The following CCDC178 variants were observed in gnomAD, a reference collection of about 807,000 sequenced individuals.
CCDC178 encodes the protein coiled-coil domain containing 178.
Under a neutral mutation model 117.4 loss-of-function variants are expected in CCDC178, and 126 were observed. The ratio of observed to expected loss-of-function variants is 1.07; its 90% CI spans 0.93 to 1.24. The LOEUF is 1.24. Among genes scored for constraint, CCDC178 ranks in the 50% most tolerant of loss-of-function variants. CCDC178 has a pLI of 0.00. For missense variants in CCDC178, 1,030 were observed against 986.9 expected (o/e 1.04, Z -0.59); for synonymous variants, 283 against 313.4 (o/e 0.90, Z 1.02).
intron 4 of CCDC178, 100 bp downstream of exon 4, chr18:33,397,049 A>T: frequency 1.3e-6 from 1 of 754,370 alleles, no homozygotes; most frequent in Non-Finnish European, 2.2e-6. Flanking sequence ...GGAAGAACAG[A>T]AGAATGCCTG....
chr18:33,266,115 T>C (rs893641502), intron 14 of CCDC178, among the ~76,000 whole-genome samples: 6 of 152,060 alleles, frequency 3.9e-5, no homozygotes, highest in African/African-American at 1.4e-4. Context: ...TTTTGATTCC[T>C]GCAGGCTTAG....
At chr18:33,319,162 G>A (rs1568142839) in intron 11 of CCDC178, among the ~76,000 whole-genome samples, 1 of 151,708 alleles carries the variant, frequency 6.6e-6, no homozygotes, top group African/African-American at 2.4e-5. Flanking sequence ...ATTTACATTA[G>A]GTATATCTCC....
rs746505005 is a variant in CCDC178, at chr18:33,091,324, C to CTTTTTTTTTTTTTTTTTTTTTTTTTTT, written c.2388+1410_2388+1436dup. Among the ~76,000 whole-genome samples the CTTTTTTTTTTTTTTTTTTTTTTTTTTT allele has an allele frequency of 1.4e-4, 6 of 43,882 alleles. 3 individuals are homozygous for CTTTTTTTTTTTTTTTTTTTTTTTTTTT. The highest frequency in any genetic ancestry group is 1.6e-4 in the African/African-American group (2 of 12,446). The allele number at this position is 43,882 out of a possible 152,430, so 28.8% of individuals were successfully genotyped here. A position where few individuals can be genotyped will look rare whatever the true frequency, so the allele number is the denominator to read the frequency against. ...CTTTCCCAAACACACTTATTTCATT[C>CTTTTTTTTTTTTTTTTTTTTTTTTTTT]TTTTTTTTTTTTTTTTTTTTTTTTT... On this transcript the variant is annotated intron_variant, in intron 21 of 22. Coordinates refer to ENST00000383096, the MANE Select transcript of CCDC178 (RefSeq NM_001105528.4).
rs182556774 is a variant in CCDC178, at chr18:33,223,153, A to C, written c.1885T>G (p.Leu629Val). 6.2e-7 allele frequency: 1 copy of C among 1,606,560 alleles called. No individual in the cohort carries two copies. The highest frequency in any genetic ancestry group is 8.5e-7 in the Non-Finnish European group (1 of 1,175,788). ...RRKVGKVKKK[L>V]RKKGKKTLDA... is the part of the protein sequence containing the mutation. Reference sequence around the variant, plus strand: ...AGGGTTTTCTTCCCCTTTTTTCGTAATTTTTTCTTTACTTTTCCCACCTTT... The same window carrying C: ...AGGGTTTTCTTCCCCTTTTTTCGTACTTTTTTCTTTACTTTTCCCACCTTT... The change falls in exon 18 of 23, where the codon TTA (leucine) becomes GTA (valine). Residue 629 changes from leucine to valine, a missense_variant. Physicochemically the swap from Leu to Val is conservative, Grantham distance 32 (BLOSUM62 1). Transcript: ENST00000383096.
At position 32,938,037 on chromosome 18, in the gene CCDC178, C is replaced by T. The variant is rs762915275; in HGVS notation, c.2578G>A (p.Asp860Asn). The change falls in exon 23 of 23, where the codon GAT (aspartate) becomes AAT (asparagine). Residue 860 changes from aspartate to asparagine, a missense_variant. Transcript: ENST00000383096. The part of the protein sequence containing the change: ...HILGFFQTLT[D>N]GTCENDG ...TAACCATCGTTTTCGCATGTGCCAT[C>T]TGTCAAAGTCTGGAAGAAACCTAAG... 1.2e-6 allele frequency: 2 copies of T among 1,613,664 alleles called. No individual in the cohort carries two copies. The highest frequency in any genetic ancestry group is 1.7e-6 in the Non-Finnish European group (2 of 1,179,652).
intron 20 of CCDC178, among the ~76,000 whole-genome samples, chr18:33,204,817 TG>T (rs1441445376): frequency 6.6e-6 from 1 of 152,108 alleles, no homozygotes; most frequent in Non-Finnish European, 1.5e-5. Flanking sequence ...ATTGAAGATA[TG>T]GTTACAAAAT....
chr18:33,222,302 T>C (rs539069426), intron 18 of CCDC178, among the ~76,000 whole-genome samples: 1 of 149,312 alleles, frequency 6.7e-6, no homozygotes, highest in Admixed American at 6.7e-5. Flanking sequence ...CTTCCTTTCC[T>C]TCCTTCCTCC....
At chr18:33,146,628 G>T (rs535323239) in intron 20 of CCDC178, among the ~76,000 whole-genome samples, 1 of 152,280 alleles carries the variant, frequency 6.6e-6, no homozygotes, top group East Asian at 1.9e-4. Flanking sequence ...TCCAGCCTGG[G>T]TGACAGAGTG....
intron 11 of CCDC178, among the ~76,000 whole-genome samples, chr18:33,314,663 G>A (rs997357091): frequency 2.0e-5 from 3 of 152,062 alleles, no homozygotes; most frequent in Non-Finnish European, 2.9e-5. Flanking sequence ...CTTCACTGTC[G>A]GATCTGACCT....
intron 21 of CCDC178, among the ~76,000 whole-genome samples, chr18:33,061,011 A>G (rs900158902): frequency 1.1e-4 from 16 of 152,140 alleles, no homozygotes; most frequent in Admixed American, 9.2e-4. Flanking sequence ...AATCTAAAAA[A>G]TTATATATCC....
chr18:33,352,034 T>G (rs1599206899), intron 7 of CCDC178, among the ~76,000 whole-genome samples: 1 of 152,350 alleles, frequency 6.6e-6, no homozygotes, highest in Middle Eastern at 3.4e-3. Flanking sequence ...AATTTACCAG[T>G]GGAGCCATCT....
chr18:33,162,024 C>T (rs1327723526), intron 20 of CCDC178, among the ~76,000 whole-genome samples: 1 of 152,208 alleles, frequency 6.6e-6, no homozygotes, highest in African/African-American at 2.4e-5. Flanking sequence ...AACTAGTTTA[C>T]AGTCCCACCA....
intron 20 of CCDC178, among the ~76,000 whole-genome samples, chr18:33,118,028 C>T (rs2057883118): frequency 6.6e-6 from 1 of 152,034 alleles, no homozygotes. Context: ...TGTCTGACAA[C>T]CACAGACATA....
chr18:33,337,941 AG>A (rs2062763003), intron 9 of CCDC178, among the ~76,000 whole-genome samples: 1 of 152,214 alleles, frequency 6.6e-6, no homozygotes, highest in Non-Finnish European at 1.5e-5. Flanking sequence ...GCTTCTGCTC[AG>A]CAAAAGAAAT....
chr18:33,410,627 T>C (rs904386789), intron 3 of CCDC178, among the ~76,000 whole-genome samples: 8 of 152,160 alleles, frequency 5.3e-5, no homozygotes, highest in Non-Finnish European at 1.0e-4. Flanking sequence ...CTGCTTTCAA[T>C]TATAACCCTG....
At chr18:33,315,832 C>T (rs571593714) in intron 11 of CCDC178, among the ~76,000 whole-genome samples, 20 of 152,248 alleles carry the variant, frequency 1.3e-4, no homozygotes, top group African/African-American at 4.8e-4. Flanking sequence ...TCCATATATC[C>T]CCATATCTGG....
At chr18:33,329,332 T>C (rs964014342) in intron 10 of CCDC178, among the ~76,000 whole-genome samples, 3 of 152,200 alleles carry the variant, frequency 2.0e-5, no homozygotes, top group African/African-American at 7.2e-5. Flanking sequence ...CAATGTCAAA[T>C]AGAAGTAGTA....
chr18:33,333,464 A>C (rs2062699276), intron 9 of CCDC178, 70 bp from the exon 10 acceptor site: 2 of 664,372 alleles, frequency 3.0e-6, no homozygotes, highest in South Asian at 6.2e-5. Context: ...ATAAATATAA[A>C]ACATTTTAAT....
rs1568036990 is a variant in CCDC178 at position 33,179,095 on chromosome 18, A to ATATAAAC, written c.2238+32800_2238+32801insGTTTATA. 4.6e-4 allele frequency among the ~76,000 whole-genome samples: 51 copies of ATATAAAC among 111,620 alleles called. 1 individual carries two copies. The highest frequency in any genetic ancestry group is 1.8e-3 in the African/African-American group (40 of 22,548). 73.2% of individuals were successfully genotyped at this position (111,620 alleles called of 152,430 possible). A position where few individuals can be genotyped will look rare whatever the true frequency, so the allele number is the denominator to read the frequency against. The stretch of plus-strand genomic sequence containing the variant: ...AAAAAAAAAATATATATATATATAT[A>ATATAAAC]TATATATATATATAAACTATATATA... On this transcript the variant is annotated intron_variant, in intron 20 of 22. Transcript: ENST00000383096.
Sources: allele counts gnomAD v4.1 joint callset (sites outside exome capture counted in the v4.1 genomes callset), GRCh38; gene constraint gnomAD v4.1.1; transcripts MANE v1.5; gene names NCBI Gene and HGNC (gene_info 2026-07-23, HGNC 2026-07-21).